MFSD8: variants seen among roughly 807,000 people sequenced by gnomAD.
The protein encoded by MFSD8 is major facilitator superfamily domain containing 8.
Under a neutral mutation model 66.4 loss-of-function variants are expected in MFSD8, and 55 were observed. The observed-to-expected ratio is 0.83, with a 90% CI of 0.67 to 1.04. The LOEUF (loss-of-function observed/expected upper bound fraction) is 1.04, where lower values mean the gene tolerates loss of function less well. Ranked by LOEUF, MFSD8 falls within the 50% of genes least tolerant of loss-of-function variation. The pLI is 0.00. For synonymous variants in MFSD8, 202 were observed against 212.8 expected, an observed-to-expected ratio of 0.95 and a Z score of 0.44; for missense variants, 550 against 627.6, an observed-to-expected ratio of 0.88 and a Z score of 1.32.
chr4:127,931,471 CCTCA>C (rs1738115171), intron 8 of MFSD8, among the ~76,000 whole-genome samples: 2 of 152,250 alleles, frequency 1.3e-5, no homozygotes, highest in Non-Finnish European at 2.9e-5. Context: ...AATTCTCCTG[CCTCA>C]GCTTCCTGAG....
intron 1 of MFSD8, among the ~76,000 whole-genome samples, chr4:127,959,923 T>C (rs1441100584): frequency 6.6e-6 from 1 of 152,244 alleles, no homozygotes; most frequent in Non-Finnish European, 1.5e-5. Flanking sequence ...GACAAATATG[T>C]CACATATCTG....
chr4:127,965,113 T>G lies in MFSD8; in HGVS notation c.21A>C (p.Glu7Asp). ...CGCCTAAGAGCGGCTCCTGTTCACT[T>G]TCGTTCCGCAGGCCGGCCATAGTTA... MAGLRN[E>D]SEQEPLLGDT... Residue 7 changes from glutamate to aspartate, a missense_variant, in exon 1 of 12, where the codon GAA becomes GAC. Glu to Asp is a conservative substitution (Grantham distance 45, BLOSUM62 2). Coordinates refer to ENST00000641686, the MANE Select transcript of MFSD8 (RefSeq NM_001371596.2). 1 of 1,613,920 alleles carries G rather than the reference T, an allele frequency of 6.2e-7. No homozygotes were observed. The highest frequency in any genetic ancestry group is 8.5e-7 in the Non-Finnish European group (1 of 1,180,014).
At chr4:127,950,893 C>CA (rs112484711) in intron 2 of MFSD8, among the ~76,000 whole-genome samples, 1,691 of 142,462 alleles carry the variant, frequency 0.012, 43 homozygotes, top group African/African-American at 0.04. Context: ...CCCCTCTCTG[C>CA]AAAAAAAAAA....
At chr4:127,926,190 A>G (rs1384742483) in intron 9 of MFSD8, among the ~76,000 whole-genome samples, 1 of 133,604 alleles carries the variant, frequency 7.5e-6, no homozygotes, top group African/African-American at 2.8e-5. Flanking sequence ...CCTATGTAAC[A>G]AACCTGCACA....
At chr4:127,923,136 T>C (rs560239747) in intron 9 of MFSD8, among the ~76,000 whole-genome samples, 105 of 152,306 alleles carry the variant, frequency 6.9e-4, no homozygotes, top group South Asian at 1.2e-3. Context: ...TCTTGCCTGA[T>C]TGCCCTGGCC....
chr4:127,957,466 C>T, intron 2 of MFSD8, 35 bp downstream of exon 2: 2 of 1,383,976 alleles, frequency 1.4e-6, no homozygotes, highest in Non-Finnish European at 2.1e-6. Context: ...GACATCTGAT[C>T]TGAATTGTTA....
At chr4:127,939,687 G>T (rs1431312689) in intron 6 of MFSD8, 166 bp downstream of exon 6, 3 of 403,428 alleles carry the variant, frequency 7.4e-6, no homozygotes, top group East Asian at 4.7e-5. Flanking sequence ...GTTGTCTTTT[G>T]GTTGCCAGTA....
chr4:127,963,300 T>C (rs968518863), intron 1 of MFSD8, among the ~76,000 whole-genome samples: 1 of 152,216 alleles, frequency 6.6e-6, no homozygotes, highest in Non-Finnish European at 1.5e-5. Context: ...AAAACCATCA[T>C]TTTGAAACTG....
chr4:127,952,230 CCT>C (rs1329909750), intron 2 of MFSD8, among the ~76,000 whole-genome samples: 1 of 151,068 alleles, frequency 6.6e-6, no homozygotes, highest in Non-Finnish European at 1.5e-5. Flanking sequence ...ACAGTGAAAC[CCT>C]GTCTCTACTA....
rs781181266 is a variant in MFSD8, at chr4:127,957,602, A to C, written c.63-10T>G. 5 of 1,556,660 alleles carry C rather than the reference A, an allele frequency of 3.2e-6. No individual in the cohort carries two copies. In the South Asian group the frequency reaches 5.6e-5, roughly 18 times the overall value. ...TAAAATGTCCCATTCTCTAGGTGTAAAGAAGAAAAAAGTAGTATAAATTTA... is the reference window on the plus strand; with the variant it reads ...TAAAATGTCCCATTCTCTAGGTGTACAGAAGAAAAAAGTAGTATAAATTTA... On this transcript the variant is annotated splice_polypyrimidine_tract_variant and intron_variant, in intron 1 of 11. Coordinates refer to ENST00000641686, the MANE Select transcript of MFSD8 (RefSeq NM_001371596.2).
chr4:127,952,434 T>A (rs1270204366), intron 2 of MFSD8, among the ~76,000 whole-genome samples: 3 of 151,920 alleles, frequency 2.0e-5, no homozygotes, highest in African/African-American at 7.3e-5. Context: ...AATAAATAAA[T>A]ATTAGCTTCA....
chr4:127,939,821 CA>C (rs1739834696), intron 6 of MFSD8, 31 bp downstream of exon 6: 1 of 1,588,212 alleles, frequency 6.3e-7, no homozygotes, highest in East Asian at 2.2e-5. Flanking sequence ...TCACAATCTA[CA>C]AAAATAGTTT....
At chr4:127,947,890 ACACACACACT>A (rs1331322373) in intron 3 of MFSD8, among the ~76,000 whole-genome samples, 31 of 150,020 alleles carry the variant, frequency 2.1e-4, no homozygotes, top group East Asian at 2.1e-3. Flanking sequence ...ACACACACAC[ACACACACACT>A]CTCTCTCCAA....
intron 1 of MFSD8, 71 bp downstream of exon 1, chr4:127,965,001 G>C (rs2149007510): frequency 6.4e-7 from 1 of 1,560,954 alleles, no homozygotes; most frequent in Non-Finnish European, 8.7e-7. Flanking sequence ...CCCAGTGCGG[G>C]TGACGCCCGG....
At chr4:127,956,757 G>A (rs1245788445) in intron 2 of MFSD8, among the ~76,000 whole-genome samples, 1 of 149,528 alleles carries the variant, frequency 6.7e-6, no homozygotes, top group Non-Finnish European at 1.5e-5. Flanking sequence ...GGTGGAGGTT[G>A]CAGTGAGCTG....
chr4:127,924,443 A>G (rs957322445), intron 9 of MFSD8, among the ~76,000 whole-genome samples: 1 of 152,230 alleles, frequency 6.6e-6, no homozygotes, highest in Non-Finnish European at 1.5e-5. Context: ...CTATACACCA[A>G]TAACAGACAA....
chr4:127,931,234 A>G (rs903842807), intron 8 of MFSD8, among the ~76,000 whole-genome samples: 1 of 152,180 alleles, frequency 6.6e-6, no homozygotes, highest in African/African-American at 2.4e-5. Context: ...TTGAATATAT[A>G]TATTTTTCTC....
intron 3 of MFSD8, among the ~76,000 whole-genome samples, chr4:127,947,669 G>C (rs1741285178): frequency 6.6e-6 from 1 of 151,792 alleles, no homozygotes; most frequent in African/African-American, 2.4e-5. Context: ...AAGACAGTGA[G>C]GAAGGAGAAA....
intron 1 of MFSD8, among the ~76,000 whole-genome samples, chr4:127,959,973 C>CA (rs756093361): frequency 5.3e-5 from 8 of 152,022 alleles, no homozygotes; most frequent in Non-Finnish European, 8.8e-5. Context: ...TGACCGGGTA[C>CA]AAAAAGGAAT....
Sources: allele counts gnomAD v4.1 joint callset (sites outside exome capture counted in the v4.1 genomes callset), GRCh38; gene constraint gnomAD v4.1.1; transcripts MANE v1.5; gene names NCBI Gene and HGNC (gene_info 2026-07-23, HGNC 2026-07-21).